Variants in CLSTN3 observed in about 807,000 individuals in gnomAD.
CLSTN3 encodes the protein calsyntenin 3.
CLSTN3 carries 36 observed loss-of-function variants against 95.9 expected under a neutral mutation model. That is an observed-to-expected ratio of 0.38 (90% confidence interval 0.29 to 0.50). The LOEUF (loss-of-function observed/expected upper bound fraction) is 0.50. Ranked by LOEUF, CLSTN3 falls within the 20% of genes least tolerant of loss-of-function variation. The pLI, the probability that CLSTN3 is intolerant of heterozygous loss-of-function variation, is 0.95. For missense variants in CLSTN3, 1,084 were observed against 1,268.8 expected (o/e 0.85, Z 2.21); for synonymous variants, 481 against 504.0 (o/e 0.95, Z 0.61).
In CLSTN3 at chr12:7,133,817, C is replaced by G; in HGVS notation, c.383+49C>G. 4 of 1,456,214 alleles carry G rather than the reference C, an allele frequency of 2.7e-6. No individual in the cohort carries two copies. Among genetic ancestry groups the G allele is most frequent in the Non-Finnish European group, 2.8e-6 (3 of 1,078,650 alleles). The allele number at this position is 1,456,214 out of a possible 1,614,324, so 90.2% of individuals were successfully genotyped here. ...CCCATGTGTTGCAGGGTCCTCCTCC[C>G]TGCTCCCAAGCCCACCATCCTCTGT... is the stretch of plus-strand genomic sequence containing the variant. On this transcript the variant is annotated intron_variant, in intron 3 of 17. Coordinates refer to ENST00000266546, the MANE Select transcript of CLSTN3 (RefSeq NM_014718.4). This position sits in a 1 kb window ranked among gnomAD's most constrained non-coding sequence, Gnocchi z 4.7.
At position 7,137,624 on chromosome 12, in the gene CLSTN3, G is replaced by A. The variant is rs1217148710; in HGVS notation, c.1211-331G>A. 6.6e-6 allele frequency among the ~76,000 whole-genome samples: 1 copy of A among 152,052 alleles called. No individual in the cohort carries two copies. Among genetic ancestry groups the A allele is most frequent in the Non-Finnish European group, 1.5e-5 (1 of 68,014 alleles). On this transcript the variant is annotated intron_variant, in intron 7 of 17. Coordinates refer to ENST00000266546, the MANE Select transcript of CLSTN3 (RefSeq NM_014718.4). The surrounding 1 kb of genome is among the most constrained non-coding windows in gnomAD (Gnocchi z 4.4). ...TGACCTTGACAACTCTTTTGAAAAGGGTTGTCACCCATGATGTATGTATTA... is the reference window on the plus strand; with the variant it reads ...TGACCTTGACAACTCTTTTGAAAAGAGTTGTCACCCATGATGTATGTATTA...
chr12:7,150,571 A>C lies in CLSTN3; in HGVS notation c.2273A>C (p.Glu758Ala). The change falls in exon 15 of 18, where the codon GAG becomes GCG. Residue 758 changes from glutamate (E) to alanine (A), a missense_variant. Transcript: ENST00000266546. This position sits in a 1 kb window ranked among gnomAD's most constrained non-coding sequence, Gnocchi z 4.0. ...AGVESITVYEEILRQARYRLR... is the reference protein window; with the variant it reads ...AGVESITVYEAILRQARYRLR... ...GTGGAGAGCATCACTGTGTATGAAGAGATCCTGAGGCAGGCTCGTTATCGG... is the reference window on the plus strand; with the variant it reads ...GTGGAGAGCATCACTGTGTATGAAGCGATCCTGAGGCAGGCTCGTTATCGG... 1 of 1,613,918 alleles carries C rather than the reference A, an allele frequency of 6.2e-7. No individual in the cohort carries two copies.
chr12:7,150,662 T>C lies in CLSTN3; in HGVS notation c.2364T>C (p.Arg788=). The C allele has an allele frequency of 6.2e-7, 1 of 1,614,080 alleles. No individual in the cohort carries two copies. Among genetic ancestry groups the C allele is most frequent in the Non-Finnish European group, 8.5e-7 (1 of 1,179,906 alleles). Residue 788 remains arginine, a synonymous_variant, in exon 15 of 18, where the codon CGT becomes CGC. Coordinates refer to ENST00000266546, the MANE Select transcript of CLSTN3 (RefSeq NM_014718.4). This position sits in a 1 kb window ranked among gnomAD's most constrained non-coding sequence, Gnocchi z 4.0. ...TTTCCTGCTCGGAAATGAATGGCCG[T>C]TACTCCAGCAATGAATTCATCGTGG... ...FRLSCSEMNG[R]YSSNEFIVEV...
At chr12:7,136,440 C>T in intron 6 of CLSTN3, 49 bp downstream of exon 6, 1 of 1,495,092 alleles carries the variant, frequency 6.7e-7, no homozygotes, top group Non-Finnish European at 9.0e-7. Context: ...CCCATCCAAC[C>T]TCTGTCCAAA....
In CLSTN3 at chr12:7,140,908, A is replaced by G. The variant is rs866977285; in HGVS notation, c.1324-334A>G. 4.3e-4 allele frequency among the ~76,000 whole-genome samples: 65 copies of G among 152,310 alleles called. No individual in the cohort carries two copies. In the Middle Eastern group the frequency reaches 0.02, roughly 48 times the overall value. On this transcript the variant is annotated intron_variant, in intron 8 of 17. Coordinates refer to ENST00000266546, the MANE Select transcript of CLSTN3 (RefSeq NM_014718.4). The stretch of plus-strand genomic sequence containing the variant: ...GGGGACAGAAGGAAACCCCATCTCT[A>G]GAGTTTCCAGTGCCTTACACACATA...
upstream of CLSTN3, chr12:7,129,953 C>T (rs1427411592): frequency 1.6e-5 from 5 of 320,586 alleles, no homozygotes; most frequent in Non-Finnish European, 2.3e-5. The surrounding 1 kb of genome is among the most constrained non-coding windows in gnomAD (Gnocchi z 5.5). Flanking sequence ...TTCTCAGGCT[C>T]AGACTGAGGG....
At position 7,150,604 on chromosome 12, in the gene CLSTN3, A is replaced by G. The variant is rs752918632; in HGVS notation, c.2306A>G (p.His769Arg). The G allele has an allele frequency of 4.3e-6, 7 of 1,613,958 alleles. No homozygotes were observed. The African/African-American group carries it at 9.3e-5, about 22-fold the overall frequency. The change falls in exon 15 of 18, where the codon CAC (histidine) becomes CGC (arginine). Residue 769 changes from histidine (H) to arginine (R), a missense_variant. Physicochemically the swap from His to Arg is conservative, Grantham distance 29 (BLOSUM62 0). Transcript: ENST00000266546. This position sits in a 1 kb window ranked among gnomAD's most constrained non-coding sequence, Gnocchi z 4.0. ...ILRQARYRLR[H>R]GAALYTRKFR... ...AGGCAGGCTCGTTATCGGCTGCGAC[A>G]CGGAGCTGCCCTCTACACCAGGAAG... is the stretch of plus-strand genomic sequence containing the variant.
chr12:7,141,464 A>G lies in CLSTN3; in HGVS notation c.1486+60A>G, dbSNP rs764534617. ...ATTTGGGAAGGGAGGTAGGCTGGTG[A>G]GGAGCAAGGGCAGTCTGACCCAGCA... is the stretch of plus-strand genomic sequence containing the variant. On this transcript the variant is annotated intron_variant, in intron 9 of 17. Transcript: ENST00000266546. The surrounding 1 kb of genome is among the most constrained non-coding windows in gnomAD (Gnocchi z 4.1). 5.6e-5 allele frequency: 89 copies of G among 1,588,484 alleles called. No homozygotes were observed. Among genetic ancestry groups the G allele is most frequent in the Admixed American group, 2.7e-4 (16 of 59,648 alleles).
chr12:7,143,390 A>G, intron 12 of CLSTN3, 79 bp downstream of exon 12: 10 of 1,481,660 alleles, frequency 6.7e-6, no homozygotes, highest in Non-Finnish European at 8.2e-6. Flanking sequence ...GGCGTCACCT[A>G]GAGCTAGGCA....
At chr12:7,148,365 T>C (rs769753671) in intron 12 of CLSTN3, among the ~76,000 whole-genome samples, 3 of 152,316 alleles carry the variant, frequency 2.0e-5, no homozygotes, top group African/African-American at 7.2e-5. Flanking sequence ...CCTCTAAGGA[T>C]AGCTTGTCCT....
chr12:7,136,230 C>A lies in CLSTN3; in HGVS notation c.767C>A (p.Ala256Glu). 1.2e-6 allele frequency: 2 copies of A among 1,614,118 alleles called. No individual in the cohort carries two copies. The highest frequency in any genetic ancestry group is 2.2e-5 in the South Asian group (2 of 91,064). ...GGCTGGAACAAAAGGATCGAATATG[C>A]ACCAGGTGCTGGGAGCTTGGCTTTG... ...WQGWNKRIEYAPGAGSLALFP... is the reference protein window; with the variant it reads ...WQGWNKRIEYEPGAGSLALFP... The change falls in exon 6 of 18, where the codon GCA becomes GAA. Residue 256 changes from alanine to glutamate, a missense_variant. By Grantham distance (107) the Ala-to-Glu change is moderately radical. Transcript: ENST00000266546.
intron 16 of CLSTN3, among the ~76,000 whole-genome samples, chr12:7,153,706 T>G (rs1405605063): frequency 6.6e-6 from 1 of 152,206 alleles, no homozygotes; most frequent in African/African-American, 2.4e-5. Flanking sequence ...ACTCAATCTT[T>G]TCTGGTTGGA....
At position 7,130,405 on chromosome 12, in the gene CLSTN3, G is replaced by A; in HGVS notation, c.-244G>A. 1 of 1,430,916 alleles carries A rather than the reference G, an allele frequency of 7.0e-7. No homozygotes were observed. The highest frequency in any genetic ancestry group is 9.1e-7 in the Non-Finnish European group (1 of 1,093,488). The allele number at this position is 1,430,916 out of a possible 1,614,324, so 88.6% of individuals were successfully genotyped here. ...TAGCGGGGTTGGGGTGGGAGTGAGA[G>A]AGTGAGGACGCTGGGCTGGGGGAAA... On this transcript the variant is annotated 5_prime_UTR_variant, in exon 1 of 18. Coordinates refer to ENST00000266546, the MANE Select transcript of CLSTN3 (RefSeq NM_014718.4).
chr12:7,137,008 C>T lies in CLSTN3; in HGVS notation c.1108C>T (p.Leu370Phe). ...GCTGGGCTCTGGGCCCCAGGACAGC[C>T]TCAGTGACCACTTCACCCTGTCCTT... ...SGLGSGPQDSLSDHFTLSFWM... is the reference protein window; with the variant it reads ...SGLGSGPQDSFSDHFTLSFWM... Residue 370 changes from leucine (L) to phenylalanine (F), a missense_variant, in exon 7 of 18, where the codon CTC (leucine) becomes TTC (phenylalanine). Physicochemically the swap from Leu to Phe is conservative, Grantham distance 22 (BLOSUM62 0). Transcript: ENST00000266546. The surrounding 1 kb of genome is among the most constrained non-coding windows in gnomAD (Gnocchi z 4.4). 6.2e-7 allele frequency: 1 copy of T among 1,614,230 alleles called. No individual in the cohort carries two copies. Among genetic ancestry groups the T allele is most frequent in the Non-Finnish European group, 8.5e-7 (1 of 1,180,036 alleles).
At position 7,141,099 on chromosome 12, in the gene CLSTN3, C is replaced by A; in HGVS notation, c.1324-143C>A. 1.1e-6 allele frequency: 1 copy of A among 886,530 alleles called. No homozygotes were observed. Among genetic ancestry groups the A allele is most frequent in the Non-Finnish European group, 1.7e-6 (1 of 581,942 alleles). 54.9% of individuals were successfully genotyped at this position (886,530 alleles called of 1,614,324 possible). A position where few individuals can be genotyped will look rare whatever the true frequency, so the allele number is the denominator to read the frequency against. ...GATGTTATTCCTCGAGCTGGATAGG[C>A]AGCAAAGCACTAGTAAGCCCTGTTG... On this transcript the variant is annotated intron_variant, in intron 8 of 17. Transcript: ENST00000266546. The surrounding 1 kb of genome is among the most constrained non-coding windows in gnomAD (Gnocchi z 4.1).
upstream of CLSTN3, chr12:7,129,934 T>A (rs1009169194): frequency 2.3e-6 from 1 of 438,196 alleles, no homozygotes; most frequent in Non-Finnish European, 3.0e-6. The surrounding 1 kb of genome is among the most constrained non-coding windows in gnomAD (Gnocchi z 5.5). Flanking sequence ...GGGCTACAAA[T>A]GCCAGGATTT....
intron 1 of CLSTN3, chr12:7,131,405 T>G (rs1939298168): frequency 9.6e-6 from 2 of 209,196 alleles, no homozygotes; most frequent in African/African-American, 2.5e-5. Flanking sequence ...AGTGGGTGTG[T>G]GGGGGGCGCT....
upstream of CLSTN3, chr12:7,129,933 A>C: frequency 6.8e-6 from 3 of 440,180 alleles, no homozygotes; most frequent in South Asian, 9.4e-5. This position sits in a 1 kb window ranked among gnomAD's most constrained non-coding sequence, Gnocchi z 5.5. Flanking sequence ...TGGGCTACAA[A>C]TGCCAGGATT....
rs750388199 is a variant in CLSTN3, at chr12:7,150,708, T to A, written c.2391+19T>A. Reference sequence around the variant, plus strand: ...CGTGGAGGTACCCAGAGAGTCTCCTTCCTTCCACAGTTACCCACCCCCAGA... The same window carrying A: ...CGTGGAGGTACCCAGAGAGTCTCCTACCTTCCACAGTTACCCACCCCCAGA... On this transcript the variant is annotated intron_variant, in intron 15 of 17. Coordinates refer to ENST00000266546, the MANE Select transcript of CLSTN3 (RefSeq NM_014718.4). This position sits in a 1 kb window ranked among gnomAD's most constrained non-coding sequence, Gnocchi z 4.0. The A allele has an allele frequency of 6.2e-7, 1 of 1,608,348 alleles. No homozygotes were observed. The highest frequency in any genetic ancestry group is 1.7e-5 in the Admixed American group (1 of 59,930).
Sources: gnomAD v4.1 joint callset for allele counts (sites outside exome capture counted in the v4.1 genomes callset) on GRCh38, gnomAD v4.1.1 for gene constraint, Gnocchi (gnomAD v3.1) non-coding constraint, MANE v1.5 for transcripts, NCBI Gene and HGNC (gene_info 2026-07-23, HGNC 2026-07-21) for gene names.